ANO8: variants seen among roughly 807,000 people sequenced by gnomAD.
ANO8 encodes the protein anoctamin 8.
Under a neutral mutation model 120.4 loss-of-function variants are expected in ANO8, and 67 were observed. That is an observed-to-expected ratio of 0.56 (90% CI 0.46 to 0.68). The LOEUF is 0.68. Among genes scored for constraint, ANO8 ranks in the 30% least tolerant of loss-of-function variants. ANO8 has a pLI of 0.00. For synonymous variants in ANO8, 727 were observed against 759.2 expected, an observed-to-expected ratio of 0.96 and a Z score of 0.70; for missense variants, 1,526 against 1,737.6, an observed-to-expected ratio of 0.88 and a Z score of 2.16.
At position 17,334,812 on chromosome 19, in the gene ANO8, C is replaced by A. The variant is rs115755445; in HGVS notation, c.-142G>T. 2.8e-3 allele frequency: 3,368 copies of A among 1,223,438 alleles called. 80 individuals carry two copies. In the African/African-American group the frequency reaches 0.046, roughly 17 times the overall value. 75.8% of individuals were successfully genotyped at this position (1,223,438 alleles called of 1,614,324 possible). On this transcript the variant is annotated 5_prime_UTR_variant, in exon 1 of 18. Transcript: ENST00000159087. ...CCGCGCCGGCCTCGGTCCTCGCTCG[C>A]CCGAGCGCTGCTTCTCGTCCCCGCC...
chr19:17,324,647 C>T (rs2074260570), intron 17 of ANO8, 70 bp downstream of exon 17: 3 of 1,507,504 alleles, frequency 2.0e-6, no homozygotes, highest in Non-Finnish European at 8.8e-7. Context: ...CCCCTCTCCC[C>T]AGGCCTGGCC....
intron 8 of ANO8, 22 bp from the exon 9 acceptor site, chr19:17,330,526 G>C (rs1391762339): frequency 1.3e-6 from 2 of 1,491,656 alleles, no homozygotes; most frequent in South Asian, 2.7e-5. Flanking sequence ...CAAAGACCGG[G>C]CCCAGCATGA....
Position 17,325,381 on chromosome 19 carries a change from G to A in ANO8, c.2667C>T (p.His889=), listed in dbSNP as rs757755364. Residue 889 remains histidine (H), a synonymous_variant, in exon 17 of 18, where the codon CAC becomes CAT. Transcript: ENST00000159087. ...GGTAGCGATGCTGGGCCTGGCGCTC[G>A]TGTCTCTGCAGGTAGAGCCAAGCCG... ...EYQRREAFKR[H]ERQAQHRYQQ... The A allele has an allele frequency of 3.2e-5, 51 of 1,582,124 alleles. No individual in the cohort carries two copies. Among genetic ancestry groups the A allele is most frequent in the African/African-American group, 1.1e-4 (8 of 74,608 alleles).
At chr19:17,323,928 C>A (rs1006449694) in intron 17 of ANO8, 44 bp from the exon 18 acceptor site, 7 of 1,103,904 alleles carry the variant, frequency 6.3e-6, no homozygotes, top group African/African-American at 1.7e-5. Flanking sequence ...GCCGCCCCCG[C>A]CGGACCCCGC....
In ANO8 at chr19:17,324,851, G is replaced by A. The variant is rs2074262916; in HGVS notation, c.3197C>T (p.Ser1066Phe). Reference sequence around the variant, plus strand: ...CCGGGCCTGCCCGCCCGCCCCGTTGGACCCAGGCTCAGCCCGGGTGCCACC... The same window carrying A: ...CCGGGCCTGCCCGCCCGCCCCGTTGAACCCAGGCTCAGCCCGGGTGCCACC... Reference protein sequence around the residue: ...PFGGTRAEPGSNGAGGQARPD... With the variant: ...PFGGTRAEPGFNGAGGQARPD... The change falls in exon 17 of 18, where the codon TCC becomes TTC. Residue 1066 changes from serine to phenylalanine, a missense_variant. This residue lies in a region of ANO8 where 489 missense variants were observed against 548.6 expected (regional missense o/e 0.89). Coordinates refer to ENST00000159087, the MANE Select transcript of ANO8 (RefSeq NM_020959.3). The A allele has an allele frequency of 6.2e-7, 1 of 1,612,460 alleles. No homozygotes were observed. Among genetic ancestry groups the A allele is most frequent in the Non-Finnish European group, 8.5e-7 (1 of 1,179,596 alleles).
rs1025874023 is a variant in ANO8 at position 17,333,078 on chromosome 19, C to T, written c.489+23G>A. 1.2e-6 allele frequency: 2 copies of T among 1,613,636 alleles called. No individual in the cohort carries two copies. The highest frequency in any genetic ancestry group is 1.1e-5 in the South Asian group (1 of 91,072). ...GGAACTCATAGGCACAGGATGCATG[C>T]GGGGGCCCAGAGCCGGCCTCACCTG... On this transcript the variant is annotated intron_variant, in intron 4 of 17. Transcript: ENST00000159087. This position sits in a 1 kb window ranked among gnomAD's most constrained non-coding sequence, Gnocchi z 7.2.
rs753989385 is a variant in ANO8 at position 17,328,942 on chromosome 19, G to A, written c.1446C>T (p.Asn482=). ...GGTGCGGCTGCAGGACCTCGCGCAC[G>A]TTCTGGAGGAACTGGCGGGTGATCA... ...TLLITRQFLQ[N]VREVLQPHLY... Residue 482 remains asparagine (N), a synonymous_variant, in exon 13 of 18, where the codon AAC becomes AAT. Transcript: ENST00000159087. 6 of 1,509,534 alleles carry A rather than the reference G, an allele frequency of 4.0e-6. No homozygotes were observed. Among genetic ancestry groups the A allele is most frequent in the East Asian group, 2.8e-5 (1 of 35,776 alleles). The allele number at this position is 1,509,534 out of a possible 1,614,324, so 93.5% of individuals were successfully genotyped here.
Position 17,330,483 on chromosome 19 carries a change from T to C in ANO8, c.1015A>G (p.Ile339Val), listed in dbSNP as rs1408949666. 3.9e-6 allele frequency: 6 copies of C among 1,545,308 alleles called. No homozygotes were observed. The highest frequency in any genetic ancestry group is 1.2e-5 in the South Asian group (1 of 81,880). Reference protein sequence around the residue: ...QFRGVRRISPITRAEEFYYPP... With the variant: ...QFRGVRRISPVTRAEEFYYPP... Reference sequence around the variant, plus strand: ...TAGTAGAACTCCTCGGCCCGCGTGATGGGGCTGATACGTCGCACGCCCTGA... The same window carrying C: ...TAGTAGAACTCCTCGGCCCGCGTGACGGGGCTGATACGTCGCACGCCCTGA... Residue 339 changes from isoleucine (I) to valine (V), a missense_variant, in exon 9 of 18, where the codon ATC (isoleucine) becomes GTC (valine). Physicochemically the swap from Ile to Val is conservative, Grantham distance 29. Around this residue, in one of 8 missense-constraint regions of ANO8, gnomAD observed 322 missense variants for 431.8 expected, o/e 0.75. Transcript: ENST00000159087.
Position 17,328,973 on chromosome 19 carries a change from G to A in ANO8, c.1415C>T (p.Thr472Met). The A allele has an allele frequency of 1.3e-6, 2 of 1,499,036 alleles. No individual in the cohort carries two copies. Among genetic ancestry groups the A allele is most frequent in the Non-Finnish European group, 8.9e-7 (1 of 1,125,756 alleles). The allele number at this position is 1,499,036 out of a possible 1,614,324, so 92.9% of individuals were successfully genotyped here. ...DMERLKEMLATLLITRQFLQN... is the reference protein window; with the variant it reads ...DMERLKEMLAMLLITRQFLQN... ...GAGGAACTGGCGGGTGATCAGCAGC[G>A]TGGCCAGCATCTGGGGGCAGGAAGG... Residue 472 changes from threonine to methionine, a missense_variant, in exon 13 of 18, where the codon ACG (threonine) becomes ATG (methionine). Physicochemically the swap from Thr to Met is moderately conservative, Grantham distance 81 (BLOSUM62 -1). Coordinates refer to ENST00000159087, the MANE Select transcript of ANO8 (RefSeq NM_020959.3).
At chr19:17,327,099 C>A in intron 16 of ANO8, 136 bp downstream of exon 16, 1 of 815,700 alleles carries the variant, frequency 1.2e-6, no homozygotes, top group East Asian at 2.7e-5. Flanking sequence ...TGCACCCAGC[C>A]AGGGAGCACT....
rs2074332223 is a variant in ANO8 at position 17,333,172 on chromosome 19, G to A, written c.418C>T (p.Arg140Cys). Reference sequence around the variant, plus strand: ...AAGTCCTCCTCGCAGGAGAAGCCGCGGGTGCCCCCGCCAAACTCGGCCTTC... The same window carrying A: ...AAGTCCTCCTCGCAGGAGAAGCCGCAGGTGCCCCCGCCAAACTCGGCCTTC... ...AVKAEFGGGTRGFSCEEDFIY... is the reference protein window; with the variant it reads ...AVKAEFGGGTCGFSCEEDFIY... Residue 140 changes from arginine to cysteine, a missense_variant, in exon 4 of 18, where the codon CGC (arginine) becomes TGC (cysteine). By Grantham distance (180) the Arg-to-Cys change is radical. Around this residue, in one of 8 missense-constraint regions of ANO8, gnomAD observed 322 missense variants for 431.8 expected, o/e 0.75. Transcript: ENST00000159087. The surrounding 1 kb of genome is among the most constrained non-coding windows in gnomAD (Gnocchi z 7.2). The A allele has an allele frequency of 6.2e-7, 1 of 1,610,180 alleles. No individual in the cohort carries two copies. Among genetic ancestry groups the A allele is most frequent in the Non-Finnish European group, 8.5e-7 (1 of 1,178,348 alleles).
chr19:17,323,657 G>T lies in ANO8; in HGVS notation c.3559C>A (p.Pro1187Thr). ...AMAGPPPAPQ[P>T]LPGDASFYSL... is the part of the protein sequence containing the mutation. ...TAAAAGCTGGCGTCTCCCGGCAGGG[G>T]CTGGGGGGCGGGTGGGGGCCCGGCC... The change falls in exon 18 of 18, where the codon CCC (proline) becomes ACC (threonine). Residue 1187 changes from proline (P) to threonine (T), a missense_variant. Coordinates refer to ENST00000159087, the MANE Select transcript of ANO8 (RefSeq NM_020959.3). 3.3e-6 allele frequency: 4 copies of T among 1,214,094 alleles called. No individual in the cohort carries two copies. Among genetic ancestry groups the T allele is most frequent in the Non-Finnish European group, 4.1e-6 (4 of 975,582 alleles). The allele number at this position is 1,214,094 out of a possible 1,614,324, so 75.2% of individuals were successfully genotyped here. A position where few individuals can be genotyped will look rare whatever the true frequency, so the allele number is the denominator to read the frequency against.
Position 17,328,730 on chromosome 19 carries a change from G to C in ANO8, c.1658C>G (p.Pro553Arg). 1.5e-6 allele frequency: 2 copies of C among 1,348,520 alleles called. No individual in the cohort carries two copies. Among genetic ancestry groups the C allele is most frequent in the Non-Finnish European group, 1.9e-6 (2 of 1,050,114 alleles). The allele number at this position is 1,348,520 out of a possible 1,614,324, so 83.5% of individuals were successfully genotyped here. A position where few individuals can be genotyped will look rare whatever the true frequency, so the allele number is the denominator to read the frequency against. The change falls in exon 13 of 18, where the codon CCG becomes CGG. Residue 553 changes from proline to arginine, a missense_variant. This residue lies in a region of ANO8 where 467 missense variants were observed against 425.8 expected (regional missense o/e 1.10). Coordinates refer to ENST00000159087, the MANE Select transcript of ANO8 (RefSeq NM_020959.3). ...RRCLSGGCGA[P>R]EEEEEAALVE... ...CAGCGCCGCCTCCTCCTCCTCCTCC[G>C]GCGCCCCGCAGCCCCCGCTGAGGCA...
Position 17,325,362 on chromosome 19 carries a change from G to C in ANO8, c.2686C>G (p.Arg896Gly), listed in dbSNP as rs764862861. Residue 896 changes from arginine (R) to glycine (G), a missense_variant, in exon 17 of 18, where the codon CGC becomes GGC. This residue lies in a region of ANO8 where 489 missense variants were observed against 548.6 expected (regional missense o/e 0.89). Transcript: ENST00000159087. The stretch of plus-strand genomic sequence containing the variant: ...CGCCTGCGCTGCTGCTGCTGGTAGC[G>C]ATGCTGGGCCTGGCGCTCGTGTCTC... ...FKRHERQAQH[R>G]YQQQQRRRRE... is the part of the protein sequence containing the mutation. 1 of 1,594,748 alleles carries C rather than the reference G, an allele frequency of 6.3e-7. No homozygotes were observed. The highest frequency in any genetic ancestry group is 1.3e-5 in the African/African-American group (1 of 74,828).
At chr19:17,325,872 G>A (rs1488836937) in intron 16 of ANO8, among the ~76,000 whole-genome samples, 1 of 152,230 alleles carries the variant, frequency 6.6e-6, no homozygotes, top group Non-Finnish European at 1.5e-5. Flanking sequence ...AGGTTGCAGT[G>A]AGCTGAGATT....
rs746436548 is a variant in ANO8 at position 17,331,361 on chromosome 19, C to T, written c.637G>A (p.Glu213Lys). ...GIIQQVFPVH[E>K]QRILNRLMKS... Reference sequence around the variant, plus strand: ...ATGAGGCGGTTCAGAATACGCTGCTCGTGGACAGGGAACACCTGCTGGATG... The same window carrying T: ...ATGAGGCGGTTCAGAATACGCTGCTTGTGGACAGGGAACACCTGCTGGATG... Residue 213 changes from glutamate to lysine, a missense_variant, in exon 6 of 18, where the codon GAG becomes AAG. Glu to Lys is a moderately conservative substitution (Grantham distance 56, BLOSUM62 1). Around this residue, in one of 8 missense-constraint regions of ANO8, gnomAD observed 322 missense variants for 431.8 expected, o/e 0.75. Transcript: ENST00000159087. 9 of 1,614,028 alleles carry T rather than the reference C, an allele frequency of 5.6e-6. No homozygotes were observed. Among genetic ancestry groups the T allele is most frequent in the Non-Finnish European group, 5.9e-6 (7 of 1,180,012 alleles).
rs1346057823 is a variant in ANO8, at chr19:17,323,645, C to T, written c.3571G>A (p.Asp1191Asn). The change falls in exon 18 of 18, where the codon GAC becomes AAC. Residue 1191 changes from aspartate (D) to asparagine (N), a missense_variant. Around this residue, in one of 8 missense-constraint regions of ANO8, gnomAD observed 489 missense variants for 548.6 expected, o/e 0.89. Coordinates refer to ENST00000159087, the MANE Select transcript of ANO8 (RefSeq NM_020959.3). ...PPPAPQPLPGDASFYSLPPPP... is the reference protein window; with the variant it reads ...PPPAPQPLPGNASFYSLPPPP... ...GGCGGGAGGCTGTAAAAGCTGGCGT[C>T]TCCCGGCAGGGGCTGGGGGGCGGGT... 9.3e-6 allele frequency: 11 copies of T among 1,186,112 alleles called. No individual in the cohort carries two copies. The highest frequency in any genetic ancestry group is 1.2e-5 in the Non-Finnish European group (11 of 955,546). The allele number at this position is 1,186,112 out of a possible 1,614,324, so 73.5% of individuals were successfully genotyped here. A position where few individuals can be genotyped will look rare whatever the true frequency, so the allele number is the denominator to read the frequency against.
intron 12 of ANO8, chr19:17,329,367 G>A (rs1337949896): frequency 1.4e-5 from 5 of 351,978 alleles, no homozygotes; most frequent in Non-Finnish European, 2.6e-5. Context: ...CAGCCACGCT[G>A]CCCACCCCGG....
In ANO8 at chr19:17,323,500, A is replaced by G. The variant is rs2074251315; in HGVS notation, c.*17T>C. ...GACTGATATTGCATATGAGAAGAGA[A>G]GGCAGGGCGGGTAGAGCTAATGCCA... On this transcript the variant is annotated 3_prime_UTR_variant, in exon 18 of 18. Coordinates refer to ENST00000159087, the MANE Select transcript of ANO8 (RefSeq NM_020959.3). 1.6e-6 allele frequency: 2 copies of G among 1,282,452 alleles called. No homozygotes were observed. The highest frequency in any genetic ancestry group is 6.4e-5 in the South Asian group (2 of 31,228). 79.4% of individuals were successfully genotyped at this position (1,282,452 alleles called of 1,614,324 possible).
Sources: allele counts gnomAD v4.1 joint callset (sites outside exome capture counted in the v4.1 genomes callset), GRCh38; gene constraint gnomAD v4.1.1; regional missense constraint gnomAD v4.1.1; non-coding constraint Gnocchi (gnomAD v3.1); transcripts MANE v1.5; gene names NCBI Gene and HGNC (gene_info 2026-07-23, HGNC 2026-07-21).